Variants in FGF14 observed in about 807,000 individuals in gnomAD.
FGF14 encodes the protein fibroblast growth factor homologous factor 4.
Under a neutral mutation model 25.5 loss-of-function variants are expected in FGF14, and 5 were observed. That is an observed-to-expected ratio of 0.20 (90% CI 0.10 to 0.41). The LOEUF (loss-of-function observed/expected upper bound fraction) is 0.41, where lower values mean the gene tolerates loss of function less well. Ranked by LOEUF, FGF14 falls within the 10% of genes least tolerant of loss-of-function variation. The pLI is 1.00. For missense variants in FGF14, 222 were observed against 320.1 expected (o/e 0.69, Z 2.34); for synonymous variants, 138 against 118.3 (o/e 1.17, Z -1.08).
At chr13:102,341,808 T>C (rs2056960564) in intron 1 of FGF14, among the ~76,000 whole-genome samples, 1 of 152,184 alleles carries the variant, frequency 6.6e-6, no homozygotes, top group South Asian at 2.1e-4. Context: ...AAATACCAGA[T>C]AGGTGCCCTG....
At chr13:102,028,106 TAAG>T (rs2041024854) in intron 1 of FGF14, among the ~76,000 whole-genome samples, 1 of 152,042 alleles carries the variant, frequency 6.6e-6, no homozygotes, top group African/African-American at 2.4e-5. Context: ...GAAAACCCCA[TAAG>T]AAGGGAAGAA....
intron 1 of FGF14, among the ~76,000 whole-genome samples, chr13:102,183,972 A>C (rs1012529248): frequency 3.3e-5 from 5 of 152,192 alleles, no homozygotes; most frequent in Non-Finnish European, 7.4e-5. Context: ...GGTACATTTT[A>C]ACCATGAATG....
intron 1 of FGF14, among the ~76,000 whole-genome samples, chr13:102,212,252 T>A (rs941554815): frequency 6.6e-6 from 1 of 152,226 alleles, no homozygotes; most frequent in South Asian, 2.1e-4. Context: ...CATGTTTTTT[T>A]AAAGAACTAA....
At chr13:102,382,357 T>G (rs2058204028) in intron 1 of FGF14, among the ~76,000 whole-genome samples, 1 of 152,032 alleles carries the variant, frequency 6.6e-6, no homozygotes, top group African/African-American at 2.4e-5. Flanking sequence ...ATACAATTGG[T>G]CAGTAAGCAA....
chr13:102,060,504 CAA>C (rs1281851534), intron 1 of FGF14, among the ~76,000 whole-genome samples: 3 of 152,166 alleles, frequency 2.0e-5, no homozygotes, highest in African/African-American at 7.2e-5. Context: ...TCAGCCTGGG[CAA>C]TAGAGCGAGA....
At chr13:102,391,581 T>A (rs1054323956) in intron 1 of FGF14, among the ~76,000 whole-genome samples, 1 of 152,202 alleles carries the variant, frequency 6.6e-6, no homozygotes, top group Non-Finnish European at 1.5e-5. Context: ...TATTTAACAG[T>A]CATTATTATT....
intron 1 of FGF14, among the ~76,000 whole-genome samples, chr13:101,957,690 C>T (rs1194484459): frequency 6.6e-6 from 1 of 152,164 alleles, no homozygotes; most frequent in Non-Finnish European, 1.5e-5. Context: ...TTCCATCCAC[C>T]CTAATTTCTC....
intron 1 of FGF14, among the ~76,000 whole-genome samples, chr13:101,885,087 G>A (rs1399197619): frequency 6.6e-6 from 1 of 152,198 alleles, no homozygotes; most frequent in African/African-American, 2.4e-5. Context: ...ACCTATTGCA[G>A]TCAAAAGTTT....
intron 3 of FGF14, among the ~76,000 whole-genome samples, chr13:101,729,884 G>T (rs1039566887): frequency 6.6e-6 from 1 of 152,094 alleles, no homozygotes; most frequent in Non-Finnish European, 1.5e-5. Flanking sequence ...TATAATATTT[G>T]TTATGAGTGA....
chr13:102,029,465 A>C, intron 1 of FGF14, among the ~76,000 whole-genome samples: 1 of 152,112 alleles, frequency 6.6e-6, no homozygotes. Context: ...AATGCATTTG[A>C]AAAATGAAAC....
intron 1 of FGF14, among the ~76,000 whole-genome samples, chr13:101,979,172 C>T (rs565375991): frequency 2.9e-4 from 44 of 152,332 alleles, no homozygotes; most frequent in Non-Finnish European, 5.7e-4. Context: ...AGATGCTGCA[C>T]TGTTCCGTGG....
At chr13:102,150,811 T>C (rs932398052) in intron 1 of FGF14, among the ~76,000 whole-genome samples, 2 of 152,204 alleles carry the variant, frequency 1.3e-5, no homozygotes, top group Non-Finnish European at 2.9e-5. Context: ...GGAGGTCTAC[T>C]GGTATGTTGT....
At chr13:102,195,827 G>C (rs1160972492) in intron 1 of FGF14, among the ~76,000 whole-genome samples, 2 of 148,222 alleles carry the variant, frequency 1.3e-5, no homozygotes, top group African/African-American at 5.0e-5. Flanking sequence ...CAAAACAACA[G>C]TAAAAAAAAC....
chr13:101,806,616 C>A (rs562317917), intron 3 of FGF14, among the ~76,000 whole-genome samples: 1 of 151,964 alleles, frequency 6.6e-6, no homozygotes, highest in South Asian at 2.1e-4. Context: ...AGGGACACAG[C>A]TTTAAAATAA....
At chr13:101,964,783 A>C (rs1267829095) in intron 1 of FGF14, among the ~76,000 whole-genome samples, 1 of 152,056 alleles carries the variant, frequency 6.6e-6, no homozygotes, top group African/African-American at 2.4e-5. Context: ...TTCAATGGCA[A>C]GCTTCATAAG....
chr13:101,983,516 T>TA (rs1320684031), intron 1 of FGF14, among the ~76,000 whole-genome samples: 6 of 152,012 alleles, frequency 3.9e-5, no homozygotes, highest in African/African-American at 1.4e-4. Flanking sequence ...CAGAGAAAAA[T>TA]AAAAAAACAT....
intron 1 of FGF14, among the ~76,000 whole-genome samples, chr13:101,948,658 A>G (rs1016921744): frequency 6.6e-6 from 1 of 151,996 alleles, no homozygotes; most frequent in Admixed American, 6.6e-5. Context: ...CCAATACATA[A>G]GCTTCCCAAT....
intron 1 of FGF14, among the ~76,000 whole-genome samples, chr13:102,185,383 G>T (rs2048837914): frequency 6.6e-6 from 1 of 152,162 alleles, no homozygotes; most frequent in East Asian, 1.9e-4. Flanking sequence ...ACAGTGGAAA[G>T]AGAAATTAAG....
chr13:102,007,023 C>A (rs4772435), intron 1 of FGF14, among the ~76,000 whole-genome samples: 1 of 151,812 alleles, frequency 6.6e-6, no homozygotes, highest in Non-Finnish European at 1.5e-5. Flanking sequence ...GGATTACAGG[C>A]GTGAGCCACC....
Sources: allele counts gnomAD v4.1 joint callset (sites outside exome capture counted in the v4.1 genomes callset), GRCh38; gene constraint gnomAD v4.1.1; transcripts MANE v1.5; gene names NCBI Gene and HGNC (gene_info 2026-07-23, HGNC 2026-07-21).